The following LRRC37A2 variants were observed in gnomAD, a reference collection of about 807,000 sequenced individuals.
LRRC37A2 encodes the protein leucine rich repeat containing 37 member A2.
LRRC37A2 carries 9 observed loss-of-function variants against 68.8 expected under a neutral mutation model. The observed-to-expected ratio is 0.13, with a 90% CI of 0.08 to 0.23. The LOEUF is 0.23. LRRC37A2 is among the 10% of genes least tolerant of loss of function. LRRC37A2 has a pLI of 1.00. For missense variants in LRRC37A2, 168 were observed against 950.4 expected (o/e 0.18, Z 10.82); for synonymous variants, 63 against 367.6 (o/e 0.17, Z 9.48).
At chr17:46,988,839 G>A in the LRRC37A2 span, among the ~76,000 whole-genome samples, 87 of 152,326 alleles carry the variant, frequency 5.7e-4, 1 homozygote, top group African/African-American at 2.0e-3. Flanking sequence ...TCTGTGTCCA[G>A]CTAAGTGCTA....
chr17:46,479,703 T>A, the LRRC37A2 span, among the ~76,000 whole-genome samples: 1 of 105,652 alleles, frequency 9.5e-6, no homozygotes, highest in African/African-American at 3.4e-5. Context: ...GAGATGGGGT[T>A]TCACCATGTT....
the LRRC37A2 span, among the ~76,000 whole-genome samples, chr17:46,748,932 T>C: frequency 1.4e-4 from 22 of 152,246 alleles, no homozygotes; most frequent in African/African-American, 5.3e-4. Flanking sequence ...TAATAAATAC[T>C]GAATATAGAT....
chr17:46,765,296 C>T, the LRRC37A2 span, among the ~76,000 whole-genome samples: 5 of 152,228 alleles, frequency 3.3e-5, no homozygotes, highest in Non-Finnish European at 1.5e-5. Context: ...GACTTGGGCG[C>T]AGCCAGGCCA....
chr17:46,801,576 C>T, the LRRC37A2 span, among the ~76,000 whole-genome samples: 1 of 124,610 alleles, frequency 8.0e-6, no homozygotes, highest in African/African-American at 3.1e-5. Context: ...GCTGTGATTG[C>T]GCCATTACAC....
the LRRC37A2 span, chr17:47,019,559 A>G: frequency 6.8e-7 from 1 of 1,480,376 alleles, no homozygotes; most frequent in East Asian, 2.3e-5. Flanking sequence ...AACTGACTGA[A>G]GTCACAGGTC....
the LRRC37A2 span, chr17:46,876,559 C>A: frequency 3.7e-6 from 6 of 1,613,534 alleles, no homozygotes; most frequent in Non-Finnish European, 5.1e-6. Flanking sequence ...GTAGGGTGTG[C>A]TCCCGGGAGG....
chr17:46,804,053 TCTC>T, the LRRC37A2 span, among the ~76,000 whole-genome samples: 2 of 151,964 alleles, frequency 1.3e-5, no homozygotes, highest in African/African-American at 4.8e-5. Flanking sequence ...ATATTTGTCT[TCTC>T]CTTGACCTTG....
chr17:46,823,130 ATATATAT>A, the LRRC37A2 span, among the ~76,000 whole-genome samples: 1 of 126,212 alleles, frequency 7.9e-6, no homozygotes, highest in Non-Finnish European at 1.6e-5. Context: ...ATTATATATT[ATATATAT>A]TATATTATAT....
At chr17:46,979,031 G>A in the LRRC37A2 span, 1 of 1,386,918 alleles carries the variant, frequency 7.2e-7, no homozygotes. Flanking sequence ...CGGGGGTCTC[G>A]GCGCGCAGTC....
chr17:46,792,496 C>T, the LRRC37A2 span, among the ~76,000 whole-genome samples: 1 of 152,126 alleles, frequency 6.6e-6, no homozygotes, highest in African/African-American at 2.4e-5. Context: ...TTTTTTGAGA[C>T]AGAGTCTTGC....
At chr17:46,880,975 G>A in the LRRC37A2 span, among the ~76,000 whole-genome samples, 14 of 152,208 alleles carry the variant, frequency 9.2e-5, 1 homozygote, top group East Asian at 1.3e-3. Flanking sequence ...AGTCTAATAG[G>A]AGAAATGAGA....
chr17:46,532,821 T>G (rs1457648485), intron 6 of LRRC37A2, among the ~76,000 whole-genome samples: 1 of 149,638 alleles, frequency 6.7e-6, no homozygotes, highest in Non-Finnish European at 1.5e-5. Flanking sequence ...TCTGTATTTT[T>G]GCAGTGCAGT....
At chr17:46,753,234 CATT>C in the LRRC37A2 span, among the ~76,000 whole-genome samples, 1 of 152,188 alleles carries the variant, frequency 6.6e-6, no homozygotes, top group South Asian at 2.1e-4. Flanking sequence ...GATGGTCCTG[CATT>C]CTGCTAGTGT....
chr17:46,846,407 A>G, the LRRC37A2 span, among the ~76,000 whole-genome samples: 2 of 152,358 alleles, frequency 1.3e-5, no homozygotes, highest in African/African-American at 4.8e-5. Context: ...GAAACAGGGG[A>G]CAGGGTCTCA....
At chr17:46,852,388 CAGTGTG>C in the LRRC37A2 span, among the ~76,000 whole-genome samples, 2 of 101,158 alleles carry the variant, frequency 2.0e-5, no homozygotes, top group South Asian at 3.7e-4. Context: ...TGAGAGGGCC[CAGTGTG>C]TGTGTGTGTG....
At chr17:46,978,648 G>A in the LRRC37A2 span, 2 of 1,602,076 alleles carry the variant, frequency 1.2e-6, no homozygotes, top group Non-Finnish European at 8.5e-7. Context: ...ATGGCGCTCA[G>A]TACAGCCCCA....
At chr17:46,918,644 A>AT in the LRRC37A2 span, among the ~76,000 whole-genome samples, 1 of 147,606 alleles carries the variant, frequency 6.8e-6, no homozygotes, top group African/African-American at 2.5e-5. Context: ...CACACATACA[A>AT]TTTCCCAGAG....
the LRRC37A2 span, among the ~76,000 whole-genome samples, chr17:46,801,237 C>T: frequency 3.3e-5 from 5 of 152,286 alleles, no homozygotes; most frequent in African/African-American, 1.2e-4. Context: ...GGGAGAGGAG[C>T]GGGTGCAGGG....
the LRRC37A2 span, chr17:46,923,086 C>A: frequency 1.3e-6 from 1 of 791,468 alleles, no homozygotes; most frequent in Non-Finnish European, 2.2e-6. Flanking sequence ...CCCTGGCCGG[C>A]AGGGGAGGGA....
Sources: gnomAD v4.1 joint callset for allele counts (sites outside exome capture counted in the v4.1 genomes callset) on GRCh38, gnomAD v4.1.1 for gene constraint, MANE v1.5 for transcripts, NCBI Gene and HGNC (gene_info 2026-07-23, HGNC 2026-07-21) for gene names.